Variants in NTRK1 observed in about 807,000 individuals in gnomAD.
NTRK1 encodes the protein high affinity nerve growth factor receptor.
In NTRK1, 62 loss-of-function variants were observed where a neutral mutation model predicts 86.8. The observed-to-expected ratio is 0.71, with a 90% CI of 0.58 to 0.88. The LOEUF (loss-of-function observed/expected upper bound fraction) is 0.88, where lower values mean the gene tolerates loss of function less well. NTRK1 is among the 40% of genes least tolerant of loss of function. NTRK1 has a pLI of 0.00. For missense variants in NTRK1, 967 were observed against 1,078.4 expected (o/e 0.90, Z 1.45); for synonymous variants, 469 against 456.6 (o/e 1.03, Z -0.35).
chr1:156,868,241 C>A lies in NTRK1; in HGVS notation c.566C>A (p.Ala189Asp), dbSNP rs2102893434. 1 of 1,610,138 alleles carries A rather than the reference C, an allele frequency of 6.2e-7. No individual in the cohort carries two copies. Among genetic ancestry groups the A allele is most frequent in the Non-Finnish European group, 8.5e-7 (1 of 1,179,998 alleles). ...GGGCCCCTGGCCCACATGCCCAATG[C>A]CAGCTGTGGTAGGTGCCGGGTGAGG... is the stretch of plus-strand genomic sequence containing the variant. ...GQGPLAHMPN[A>D]SCGVPTLKVQ... Residue 189 changes from alanine (A) to aspartate (D), a missense_variant, in exon 5 of 17, where the codon GCC becomes GAC. Ala to Asp is a moderately radical substitution (Grantham distance 126, BLOSUM62 -2). Transcript: ENST00000524377.
At chr1:156,864,613 C>T in intron 2 of NTRK1, 115 bp from the exon 3 acceptor site, 1 of 1,220,860 alleles carries the variant, frequency 8.2e-7, no homozygotes, top group South Asian at 1.3e-5. Context: ...CAATGAGGGG[C>T]CTGAGGAGGG....
intron 2 of NTRK1, chr1:156,844,723 T>C: frequency 6.2e-7 from 1 of 1,613,902 alleles, no homozygotes; most frequent in Non-Finnish European, 8.5e-7. Flanking sequence ...CAAGCGGCGG[T>C]ACTTGATTTC....
intron 2 of NTRK1, among the ~76,000 whole-genome samples, chr1:156,850,434 A>ACTC (rs1279518672): frequency 6.8e-6 from 1 of 147,276 alleles, no homozygotes; most frequent in African/African-American, 2.5e-5. Context: ...CTGGTCTTGA[A>ACTC]CTCCTGACCG....
At chr1:156,841,295 T>A in intron 1 of NTRK1, 1 of 1,186,026 alleles carries the variant, frequency 8.4e-7, no homozygotes, top group Non-Finnish European at 1.2e-6. Flanking sequence ...GGTCAGTGGA[T>A]GTCAAAGCAT....
At chr1:156,842,918 C>T in intron 2 of NTRK1, 2 of 1,061,304 alleles carry the variant, frequency 1.9e-6, no homozygotes, top group Admixed American at 2.0e-5. Context: ...TTAATGGTGC[C>T]CTAACCTCAT....
At chr1:156,869,018 C>CCCTT (rs773795513) in intron 6 of NTRK1, among the ~76,000 whole-genome samples, 1,100 of 42,658 alleles carry the variant, frequency 0.026, 16 homozygotes, top group East Asian at 0.044. Flanking sequence ...TTTTCTCTCT[C>CCCTT]CCTTCCTTCC....
intron 2 of NTRK1, chr1:156,849,557 GC>G (rs1655132575): frequency 1.1e-6 from 1 of 909,504 alleles, no homozygotes. Flanking sequence ...GTTTTGCTGG[GC>G]CCGGGGAGAG....
rs1237768057 is a variant in NTRK1, at chr1:156,831,895, G to A, written c.-63-10186G>A. ...GTGGCTGAGTATAGACTTGGTGGCT[G>A]AGGAGGAGTCATGGCAGTCAGGCCT... On this transcript the variant is annotated intron_variant, in intron 1 of 16. Transcript: ENST00000392302. 3.3e-5 allele frequency among the ~76,000 whole-genome samples: 5 copies of A among 152,276 alleles called. No homozygotes were observed. The East Asian group carries it at 7.7e-4, about 24-fold the overall frequency.
intron 2 of NTRK1, chr1:156,842,298 G>A: frequency 6.2e-7 from 1 of 1,613,784 alleles, no homozygotes; most frequent in Non-Finnish European, 8.5e-7. Flanking sequence ...GGGCTGGTGA[G>A]GAAGGAACCC....
At chr1:156,839,033 CAA>C (rs1458122294) in intron 1 of NTRK1, among the ~76,000 whole-genome samples, 2 of 152,342 alleles carry the variant, frequency 1.3e-5, no homozygotes, top group African/African-American at 4.8e-5. Context: ...CCAAACTCCC[CAA>C]CTTTTTCCCT....
At chr1:156,872,454 AT>A (rs1205166551) in intron 7 of NTRK1, among the ~76,000 whole-genome samples, 1 of 152,128 alleles carries the variant, frequency 6.6e-6, no homozygotes, top group Non-Finnish European at 1.5e-5. Flanking sequence ...AAATGGAATC[AT>A]ACTGCGTGTA....
intron 2 of NTRK1, among the ~76,000 whole-genome samples, chr1:156,855,029 A>G (rs1357944709): frequency 6.6e-6 from 1 of 152,184 alleles, no homozygotes; most frequent in Non-Finnish European, 1.5e-5. Context: ...CTTTACTACT[A>G]TAACAAGCCA....
intron 2 of NTRK1, among the ~76,000 whole-genome samples, chr1:156,851,005 T>C (rs1236922820): frequency 6.6e-6 from 1 of 152,252 alleles, no homozygotes. Flanking sequence ...TAGAGTTATA[T>C]GTGACTGTAA....
At chr1:156,840,849 G>A in intron 1 of NTRK1, 2 of 1,573,088 alleles carry the variant, frequency 1.3e-6, no homozygotes, top group Non-Finnish European at 1.7e-6. Flanking sequence ...CCCATGGGAG[G>A]CCAGCCAGGG....
intron 2 of NTRK1, chr1:156,844,463 T>C (rs1654914486): frequency 1.2e-6 from 2 of 1,613,118 alleles, no homozygotes; most frequent in Non-Finnish European, 1.7e-6. Flanking sequence ...TGTGTATACC[T>C]GGGCCAAGGA....
At chr1:156,820,916 G>A (rs187270449) in intron 1 of NTRK1, among the ~76,000 whole-genome samples, 4 of 152,288 alleles carry the variant, frequency 2.6e-5, no homozygotes, top group Non-Finnish European at 5.9e-5. Flanking sequence ...CCATCCATGA[G>A]GATGGACTGT....
intron 2 of NTRK1, chr1:156,845,759 A>G (rs781711293): frequency 6.2e-7 from 1 of 1,613,218 alleles, no homozygotes; most frequent in Admixed American, 1.7e-5. Context: ...CGGCCTCAGG[A>G]TCCCCGTCTT....
upstream of NTRK1, among the ~76,000 whole-genome samples, chr1:156,859,794 C>T (rs3753213): frequency 0.013 from 1,969 of 152,244 alleles, 119 homozygotes; most frequent in Admixed American, 0.089. This position sits in a 1 kb window ranked among gnomAD's most constrained non-coding sequence, Gnocchi z 6.2. Context: ...GGTCGTCCTT[C>T]CCCCGCTCCC....
intron 1 of NTRK1, among the ~76,000 whole-genome samples, chr1:156,863,753 A>C (rs2102883986): frequency 6.6e-6 from 1 of 152,202 alleles, no homozygotes; most frequent in East Asian, 1.9e-4. Flanking sequence ...GGGAACACAC[A>C]TTTGCATGAG....
Sources: gnomAD v4.1 joint callset for allele counts (sites outside exome capture counted in the v4.1 genomes callset) on GRCh38, gnomAD v4.1.1 for gene constraint, Gnocchi (gnomAD v3.1) non-coding constraint, MANE v1.5 for transcripts, NCBI Gene and HGNC (gene_info 2026-07-23, HGNC 2026-07-21) for gene names.